SLC44A5: variants seen among roughly 807,000 people sequenced by gnomAD.
SLC44A5 encodes choline transporter-like protein 5.
In SLC44A5, 57 loss-of-function variants were observed where a neutral mutation model predicts 101.8. That is an observed-to-expected ratio of 0.56 (90% confidence interval 0.45 to 0.70). The LOEUF is 0.70. SLC44A5 is among the 30% of genes least tolerant of loss of function. The pLI is 0.00. For missense variants in SLC44A5, 737 were observed against 853.1 expected (o/e 0.86, Z 1.70); for synonymous variants, 281 against 290.9 (o/e 0.97, Z 0.35).
chr1:75,389,733 C>A (rs2101344792), intron 3 of SLC44A5, among the ~76,000 whole-genome samples: 1 of 152,200 alleles, frequency 6.6e-6, no homozygotes, highest in East Asian at 1.9e-4. Context: ...AATTAACAAT[C>A]TAATATCACA....
At chr1:75,565,923 C>T (rs1672761996) in intron 1 of SLC44A5, among the ~76,000 whole-genome samples, 1 of 151,964 alleles carries the variant, frequency 6.6e-6, no homozygotes, top group African/African-American at 2.4e-5. Flanking sequence ...AGTTGGCATC[C>T]AAAACTTATT....
chr1:75,320,730 A>G (rs1249662), intron 4 of SLC44A5, among the ~76,000 whole-genome samples: 16,165 of 152,206 alleles, frequency 0.11, 2,841 homozygotes, highest in African/African-American at 0.36. Flanking sequence ...ACTGCTTAAC[A>G]TTAAAGAGGT....
At chr1:75,438,740 C>A (rs1219133444) in intron 2 of SLC44A5, among the ~76,000 whole-genome samples, 1 of 151,992 alleles carries the variant, frequency 6.6e-6, no homozygotes, top group East Asian at 1.9e-4. Flanking sequence ...AGAAAAGCAT[C>A]CCAATTTAGG....
At chr1:75,441,215 G>A (rs1291442569) in intron 2 of SLC44A5, among the ~76,000 whole-genome samples, 1 of 152,062 alleles carries the variant, frequency 6.6e-6, no homozygotes, top group African/African-American at 2.4e-5. Context: ...TTTCTCAAGG[G>A]AAGTGTAAAT....
At chr1:75,527,418 AC>A (rs771674929) in intron 2 of SLC44A5, among the ~76,000 whole-genome samples, 40,637 of 151,634 alleles carry the variant, frequency 0.27, 6,819 homozygotes, top group East Asian at 0.79. Context: ...ACACCCAGAC[AC>A]ACAGAAAGCC....
At chr1:75,689,350 T>C in the SLC44A5 span, among the ~76,000 whole-genome samples, 1 of 152,110 alleles carries the variant, frequency 6.6e-6, no homozygotes, top group Non-Finnish European at 1.5e-5. Context: ...GGAAGTAAAA[T>C]ATCTGGGGTA....
chr1:75,650,523 G>A, the SLC44A5 span, among the ~76,000 whole-genome samples: 1 of 152,152 alleles, frequency 6.6e-6, no homozygotes, highest in African/African-American at 2.4e-5. Flanking sequence ...AAATGGTGTA[G>A]ACTTCATCAA....
At chr1:75,698,721 C>T in the SLC44A5 span, among the ~76,000 whole-genome samples, 19 of 152,072 alleles carry the variant, frequency 1.2e-4, no homozygotes, top group African/African-American at 2.4e-5. Flanking sequence ...CAGGAGGACA[C>T]TCAAACCAAA....
intron 3 of SLC44A5, among the ~76,000 whole-genome samples, chr1:75,395,654 T>C (rs1363744323): frequency 6.6e-6 from 1 of 152,176 alleles, no homozygotes; most frequent in East Asian, 1.9e-4. Flanking sequence ...TTCTTATACA[T>C]TTATTTAATC....
chr1:75,355,159 A>C lies in SLC44A5; in HGVS notation c.53-15529T>G, dbSNP rs187851470. On this transcript the variant is annotated intron_variant, in intron 3 of 23. Coordinates refer to ENST00000370859, the MANE Select transcript of SLC44A5 (RefSeq NM_001130058.2). ...TTTAACCAACAAAAATTTCCCATAC[A>C]CATTCTTATTAAAGAAAATTTTACA... Among the ~76,000 whole-genome samples, 8 of 152,320 alleles carry C rather than the reference A, an allele frequency of 5.3e-5. No individual in the cohort carries two copies. The East Asian group carries it at 1.5e-3, about 29-fold the overall frequency.
chr1:75,533,106 C>T (rs2101925140), intron 2 of SLC44A5, among the ~76,000 whole-genome samples: 1 of 152,272 alleles, frequency 6.6e-6, no homozygotes, highest in South Asian at 2.1e-4. Context: ...ATTGTAGACC[C>T]TGCTCAAGTT....
the SLC44A5 span, among the ~76,000 whole-genome samples, chr1:75,678,919 G>C: frequency 6.6e-6 from 1 of 152,154 alleles, no homozygotes; most frequent in Non-Finnish European, 1.5e-5. Context: ...GTGCGTAAAG[G>C]AGCTGATGGA....
rs1346263575 is a variant in SLC44A5 at position 75,203,248 on chromosome 1, C to T, written c.*479G>A. On this transcript the variant is annotated 3_prime_UTR_variant, in exon 24 of 24. Coordinates refer to ENST00000370859, the MANE Select transcript of SLC44A5 (RefSeq NM_001130058.2). ...ATTCTATACTTAAAGAGAGCAAACT[C>T]TCAACTGGGGCAGTCCTTTCACTGA... 1 of 152,316 alleles carries T rather than the reference C, an allele frequency of 6.6e-6. No homozygotes were observed. The highest frequency in any genetic ancestry group is 1.9e-4 in the East Asian group (1 of 5,176). 9.4% of individuals were successfully genotyped at this position (152,316 alleles called of 1,614,324 possible). A position where few individuals can be genotyped will look rare whatever the true frequency, so the allele number is the denominator to read the frequency against.
At chr1:75,568,252 G>A (rs770083496) in intron 1 of SLC44A5, among the ~76,000 whole-genome samples, 4 of 152,054 alleles carry the variant, frequency 2.6e-5, no homozygotes, top group Non-Finnish European at 2.9e-5. Flanking sequence ...AATAAAGAAT[G>A]ATTACTTTCT....
At chr1:75,347,885 A>AT (rs1195562753) in intron 3 of SLC44A5, among the ~76,000 whole-genome samples, 3 of 152,166 alleles carry the variant, frequency 2.0e-5, no homozygotes, top group African/African-American at 7.2e-5. Context: ...CACAAAATGG[A>AT]TTTTTTGTAA....
At chr1:75,207,189 G>A (rs981310627) in intron 23 of SLC44A5, among the ~76,000 whole-genome samples, 1 of 152,082 alleles carries the variant, frequency 6.6e-6, no homozygotes, top group Non-Finnish European at 1.5e-5. Context: ...TGAGGCCCAG[G>A]GATATAAAAC....
chr1:75,573,133 A>G (rs1259520364), intron 1 of SLC44A5, among the ~76,000 whole-genome samples: 3 of 148,512 alleles, frequency 2.0e-5, no homozygotes, highest in African/African-American at 7.4e-5. Context: ...ATCTCAAAAA[A>G]AAAAAAAAAA....
the SLC44A5 span, among the ~76,000 whole-genome samples, chr1:75,656,532 C>T: frequency 1.3e-5 from 2 of 152,154 alleles, no homozygotes. Context: ...AGTTAAAGTA[C>T]AGAGTGTTAT....
At chr1:75,577,564 C>T (rs941391420) in intron 1 of SLC44A5, among the ~76,000 whole-genome samples, 1 of 152,202 alleles carries the variant, frequency 6.6e-6, no homozygotes, top group Non-Finnish European at 1.5e-5. Flanking sequence ...TCCCTAAATA[C>T]CTTCTTAAAA....
Sources: gnomAD v4.1 joint callset for allele counts (sites outside exome capture counted in the v4.1 genomes callset) on GRCh38, gnomAD v4.1.1 for gene constraint, MANE v1.5 for transcripts, NCBI Gene and HGNC (gene_info 2026-07-23, HGNC 2026-07-21) for gene names.